MACROD2: variants seen among roughly 807,000 people sequenced by gnomAD.
MACROD2 encodes ADP-ribose glycohydrolase MACROD2.
Under a neutral mutation model 70.4 loss-of-function variants are expected in MACROD2, and 36 were observed. The observed-to-expected ratio is 0.51, with a 90% confidence interval of 0.39 to 0.68. MACROD2 has a LOEUF of 0.68. Among genes scored for constraint, MACROD2 ranks in the 30% least tolerant of loss-of-function variants. The probability of loss-of-function intolerance (pLI) is 0.00; values close to 1 mark genes in which losing one functional copy is unlikely to be tolerated. For missense variants in MACROD2, 496 were observed against 538.4 expected (o/e 0.92, Z 0.78); for synonymous variants, 172 against 178.8 (o/e 0.96, Z 0.30).
Position 15,191,114 on chromosome 20 carries a change from TGAA to T in MACROD2, c.419-38821_419-38819del, listed in dbSNP as rs1392174462. Among the ~76,000 whole-genome samples, 13 of 152,110 alleles carry T rather than the reference TGAA, an allele frequency of 8.5e-5. No individual in the cohort carries two copies. The East Asian group carries it at 2.5e-3, about 29-fold the overall frequency. On this transcript the variant is annotated intron_variant, in intron 5 of 17. Transcript: ENST00000684519. ...GGAAGTGATCCCCAGAAAACAAAAATGAAGAAGTGGGGAGAGTGAGACAGTGAA... is the reference window on the plus strand; with the variant it reads ...GGAAGTGATCCCCAGAAAACAAAAATGAAGTGGGGAGAGTGAGACAGTGAA...
intron 6 of MACROD2, among the ~76,000 whole-genome samples, chr20:15,402,427 TAATAA>T (rs1242249893): frequency 2.0e-5 from 3 of 152,218 alleles, no homozygotes. Context: ...ATATTTTAAA[TAATAA>T]AATTGTGAAA....
chr20:16,039,855 G>C (rs1282001731), intron 15 of MACROD2, among the ~76,000 whole-genome samples: 1 of 151,854 alleles, frequency 6.6e-6, no homozygotes, highest in Non-Finnish European at 1.5e-5. Flanking sequence ...CTTTCATCTT[G>C]TCCTTGAAGA....
chr20:15,143,274 A>G (rs2076205896), intron 5 of MACROD2, among the ~76,000 whole-genome samples: 1 of 151,980 alleles, frequency 6.6e-6, no homozygotes, highest in Non-Finnish European at 1.5e-5. Context: ...GATGATGAGC[A>G]TTTTTTTCAT....
chr20:14,716,088 G>C (rs1330571078), intron 5 of MACROD2, among the ~76,000 whole-genome samples: 1 of 152,168 alleles, frequency 6.6e-6, no homozygotes, highest in African/African-American at 2.4e-5. Context: ...GATGGACTCT[G>C]TAATGATATG....
rs184464786 is a variant in MACROD2, at chr20:15,076,902, A to G, written c.419-153038A>G. Among the ~76,000 whole-genome samples, 11 of 152,302 alleles carry G rather than the reference A, an allele frequency of 7.2e-5. No homozygotes were observed. The East Asian group carries it at 2.1e-3, about 29-fold the overall frequency. ...GAATGAATGCAATGAATGAGAATGC[A>G]ATATCTGGTAGTTCAGAATGAAATT... On this transcript the variant is annotated intron_variant, in intron 5 of 17. Coordinates refer to ENST00000684519, the MANE Select transcript of MACROD2 (RefSeq NM_001351661.2).
chr20:15,775,618 C>A (rs34608080), intron 8 of MACROD2, among the ~76,000 whole-genome samples: 30,036 of 151,904 alleles, frequency 0.2, 3,054 homozygotes, highest in Non-Finnish European at 0.22. Flanking sequence ...TTTTATTTTC[C>A]GTTTACATAT....
At chr20:14,709,519 T>C (rs2071312628) in intron 5 of MACROD2, among the ~76,000 whole-genome samples, 1 of 152,158 alleles carries the variant, frequency 6.6e-6, no homozygotes, top group South Asian at 2.1e-4. Flanking sequence ...TGTATTTAGA[T>C]TCAAATTTAA....
chr20:14,971,452 G>T (rs530124248), intron 5 of MACROD2, among the ~76,000 whole-genome samples: 4 of 151,852 alleles, frequency 2.6e-5, no homozygotes, highest in South Asian at 2.1e-4. Flanking sequence ...GTAAAGGGAG[G>T]GGGGGGACTC....
intron 2 of MACROD2, among the ~76,000 whole-genome samples, chr20:14,064,140 C>T (rs1223891214): frequency 6.6e-6 from 1 of 152,208 alleles, no homozygotes; most frequent in Non-Finnish European, 1.5e-5. Context: ...CAACTTTCTC[C>T]TCCGTGGGCT....
At chr20:14,044,479 C>T (rs1050373441) in intron 2 of MACROD2, among the ~76,000 whole-genome samples, 1 of 152,144 alleles carries the variant, frequency 6.6e-6, no homozygotes, top group African/African-American at 2.4e-5. Flanking sequence ...TGGCCCCACC[C>T]ACATCCTGCT....
chr20:15,298,287 C>T (rs1477457924), intron 6 of MACROD2, among the ~76,000 whole-genome samples: 4 of 152,154 alleles, frequency 2.6e-5, no homozygotes, highest in Non-Finnish European at 5.9e-5. Flanking sequence ...CTCCCTGGGC[C>T]TTGGGTTGTT....
At chr20:15,454,408 C>CAT (rs1568819936) in intron 7 of MACROD2, among the ~76,000 whole-genome samples, 1 of 8,014 alleles carries the variant, frequency 1.2e-4, no homozygotes, top group African/African-American at 1.6e-4. Context: ...CATATTCAAA[C>CAT]ACACACACAC....
chr20:15,336,899 A>C (rs181532262), intron 6 of MACROD2, among the ~76,000 whole-genome samples: 1 of 151,866 alleles, frequency 6.6e-6, no homozygotes, highest in East Asian at 1.9e-4. Context: ...TTCCTGGGTT[A>C]GTGACTAGCC....
At chr20:14,694,681 T>TC (rs2071101908) in intron 5 of MACROD2, among the ~76,000 whole-genome samples, 1 of 152,192 alleles carries the variant, frequency 6.6e-6, no homozygotes, top group African/African-American at 2.4e-5. Flanking sequence ...ATGACAATAA[T>TC]CCATCAGTAT....
intron 3 of MACROD2, among the ~76,000 whole-genome samples, chr20:14,243,633 T>C (rs2081946681): frequency 6.6e-6 from 1 of 152,218 alleles, no homozygotes; most frequent in Non-Finnish European, 1.5e-5. Flanking sequence ...ATTATAGATA[T>C]AGTAGACAAA....
chr20:15,194,334 C>G (rs1051186780), intron 5 of MACROD2, among the ~76,000 whole-genome samples: 1 of 147,600 alleles, frequency 6.8e-6, no homozygotes, highest in Non-Finnish European at 1.5e-5. Flanking sequence ...ATTGTATCAA[C>G]CATACAGTGT....
chr20:14,078,725 C>G (rs915607487), intron 2 of MACROD2, among the ~76,000 whole-genome samples: 1 of 152,130 alleles, frequency 6.6e-6, no homozygotes, highest in African/African-American at 2.4e-5. Flanking sequence ...AAGTATTAAT[C>G]TTGGACTGAC....
At chr20:15,676,639 T>C (rs1019415529) in intron 8 of MACROD2, among the ~76,000 whole-genome samples, 1 of 152,248 alleles carries the variant, frequency 6.6e-6, no homozygotes. Context: ...TATTGCACTT[T>C]AACTTTTTGC....
chr20:15,176,402 C>G (rs904904480), intron 5 of MACROD2, among the ~76,000 whole-genome samples: 60 of 152,302 alleles, frequency 3.9e-4, no homozygotes, highest in African/African-American at 1.4e-3. Context: ...GGTGCTTTTT[C>G]TGGCCCTGCC....
Sources: allele counts gnomAD v4.1 joint callset (sites outside exome capture counted in the v4.1 genomes callset), GRCh38; gene constraint gnomAD v4.1.1; transcripts MANE v1.5; gene names NCBI Gene and HGNC (gene_info 2026-07-23, HGNC 2026-07-21).